The following GNAL variants were observed in gnomAD, a reference collection of about 807,000 sequenced individuals.
The protein encoded by GNAL is G protein subunit alpha L, also known as guanine nucleotide-binding protein G(olf) subunit alpha.
GNAL carries 18 observed loss-of-function variants against 55.1 expected under a neutral mutation model. The observed-to-expected ratio is 0.33, with a 90% confidence interval of 0.23 to 0.48. GNAL has a LOEUF of 0.48. Among genes scored for constraint, GNAL ranks in the 20% least tolerant of loss-of-function variants. GNAL has a pLI of 0.99. For synonymous variants in GNAL, 253 were observed against 237.0 expected (o/e 1.07, Z -0.62); for missense variants, 412 against 614.1 (o/e 0.67, Z 3.48).
intron 5 of GNAL, among the ~76,000 whole-genome samples, chr18:11,846,782 G>A (rs2143761198): frequency 6.6e-6 from 1 of 152,054 alleles, no homozygotes; most frequent in Non-Finnish European, 1.5e-5. Flanking sequence ...ATGGAGTGCA[G>A]TGGGGCCATC....
chr18:11,757,886 C>T (rs554735579), intron 4 of GNAL, among the ~76,000 whole-genome samples: 82 of 151,894 alleles, frequency 5.4e-4, no homozygotes, highest in South Asian at 4.2e-3. Flanking sequence ...TCACCGGTGA[C>T]CTTGATAAGG....
chr18:11,719,616 C>T (rs1169577476), intron 1 of GNAL, among the ~76,000 whole-genome samples: 1 of 152,218 alleles, frequency 6.6e-6, no homozygotes, highest in Non-Finnish European at 1.5e-5. Context: ...TACTAAATTG[C>T]TTGCGCCCTG....
Position 11,885,163 on chromosome 18 carries a change from A to C in GNAL, c.*4028A>C. ...ATTTGAAAATGTTAGGGTTTCCTCC[A>C]CCTTTTTATGAAGTAAAAGAACCTG... On this transcript the variant is annotated 3_prime_UTR_variant, in exon 12 of 12. Coordinates refer to ENST00000334049, the MANE Select transcript of GNAL (RefSeq NM_182978.4). 2 of 750,636 alleles carry C rather than the reference A, an allele frequency of 2.7e-6. 1 individual carries two copies. The highest frequency in any genetic ancestry group is 4.0e-5 in the South Asian group (2 of 49,564). 46.5% of individuals were successfully genotyped at this position (750,636 alleles called of 1,614,324 possible).
chr18:11,747,377 G>A (rs753342718), intron 1 of GNAL: 3 of 177,202 alleles, frequency 1.7e-5, no homozygotes, highest in Non-Finnish European at 3.5e-5. Flanking sequence ...GGTTGAAGAC[G>A]CAATGACAGC....
intron 1 of GNAL, among the ~76,000 whole-genome samples, chr18:11,696,024 C>T (rs2031400099): frequency 6.6e-6 from 1 of 152,096 alleles, no homozygotes; most frequent in South Asian, 2.1e-4. Flanking sequence ...AAATGTCTTT[C>T]TTAATGAAGG....
At chr18:11,879,981 G>A (rs753463877) in intron 11 of GNAL, among the ~76,000 whole-genome samples, 122 of 152,176 alleles carry the variant, frequency 8.0e-4, no homozygotes, top group Non-Finnish European at 1.3e-3. Flanking sequence ...CTAGCTGGCC[G>A]GGCGCGGTGG....
At chr18:11,821,583 C>A (rs962106842) in intron 4 of GNAL, among the ~76,000 whole-genome samples, 1 of 152,100 alleles carries the variant, frequency 6.6e-6, no homozygotes, top group Non-Finnish European at 1.5e-5. Flanking sequence ...AGGAAATTAA[C>A]GCAAAATGAG....
chr18:11,806,037 A>T (rs1021339036), intron 4 of GNAL, among the ~76,000 whole-genome samples: 1 of 152,204 alleles, frequency 6.6e-6, no homozygotes. Context: ...AGTAATAGCC[A>T]TTCTGACTGC....
At chr18:11,843,232 C>T (rs111658554) in intron 5 of GNAL, among the ~76,000 whole-genome samples, 33 of 151,964 alleles carry the variant, frequency 2.2e-4, no homozygotes, top group African/African-American at 5.5e-4. Context: ...GGTGTGGTGG[C>T]TCACGCCTGT....
intron 4 of GNAL, among the ~76,000 whole-genome samples, chr18:11,795,018 T>A (rs1032907119): frequency 6.6e-5 from 10 of 152,094 alleles, no homozygotes; most frequent in African/African-American, 2.4e-4. Context: ...AATTTTTGTA[T>A]TTTTAGTAGA....
At position 11,752,348 on chromosome 18, in the gene GNAL, C is replaced by T. The variant is rs992021845; in HGVS notation, c.377-505C>T. The T allele has an allele frequency of 1.0e-5, 15 of 1,498,324 alleles. No individual in the cohort carries two copies. In the South Asian group the frequency reaches 1.6e-4, roughly 16 times the overall value. 92.8% of individuals were successfully genotyped at this position (1,498,324 alleles called of 1,614,324 possible). ...TTTCAGCAGCAGGAAAGAGAGGAGC[C>T]GTCGCAGGAGCCGCACACGTCTCCA... On this transcript the variant is annotated intron_variant, in intron 1 of 11. Coordinates refer to ENST00000334049, the MANE Select transcript of GNAL (RefSeq NM_182978.4). This position sits in a 1 kb window ranked among gnomAD's most constrained non-coding sequence, Gnocchi z 4.5.
intron 11 of GNAL, among the ~76,000 whole-genome samples, chr18:11,879,913 C>T (rs9954320): frequency 3.9e-5 from 6 of 152,336 alleles, no homozygotes; most frequent in East Asian, 3.9e-4. Context: ...AGGCCGCCAC[C>T]GGGCCGCTGC....
intron 4 of GNAL, among the ~76,000 whole-genome samples, chr18:11,784,661 C>G (rs907617207): frequency 6.6e-6 from 1 of 152,052 alleles, no homozygotes; most frequent in Admixed American, 6.6e-5. Context: ...ATTTCTAAGT[C>G]AAGAAGTTGG....
intron 1 of GNAL, among the ~76,000 whole-genome samples, chr18:11,731,446 A>G (rs1278345652): frequency 2.6e-5 from 4 of 152,142 alleles, no homozygotes; most frequent in Non-Finnish European, 4.4e-5. Context: ...ACCGTGCCCG[A>G]CTGGGAATTC....
intron 5 of GNAL, among the ~76,000 whole-genome samples, chr18:11,841,611 C>T (rs1787515137): frequency 6.9e-6 from 1 of 145,140 alleles, no homozygotes; most frequent in Non-Finnish European, 1.5e-5. Context: ...TGCCACTGCA[C>T]TTCAGCCTGG....
intron 4 of GNAL, among the ~76,000 whole-genome samples, chr18:11,785,486 T>C (rs1403497489): frequency 6.6e-6 from 1 of 152,236 alleles, no homozygotes; most frequent in Non-Finnish European, 1.5e-5. Context: ...TTACCAATGC[T>C]GGGGTTCCAG....
At chr18:11,698,677 C>G (rs570670435) in intron 1 of GNAL, among the ~76,000 whole-genome samples, 2 of 151,956 alleles carry the variant, frequency 1.3e-5, no homozygotes, top group East Asian at 3.9e-4. Context: ...GCACCTTGTG[C>G]CATCCAGGAA....
chr18:11,726,686 G>C (rs2032219200), intron 1 of GNAL, among the ~76,000 whole-genome samples: 1 of 152,160 alleles, frequency 6.6e-6, no homozygotes, highest in Non-Finnish European at 1.5e-5. Context: ...AGCTGCTGTT[G>C]CTCTGTTAAT....
In GNAL at chr18:11,753,401, A is replaced by AT. The variant is rs1239717092; in HGVS notation, c.450-222dup. On this transcript the variant is annotated intron_variant, in intron 2 of 11. Transcript: ENST00000334049. Reference sequence around the variant, plus strand: ...CCTGCATAGTTGTTTAAAGCTATAGATTTTTAAAAAAATGTGTGCATTCAA... The same window carrying AT: ...CCTGCATAGTTGTTTAAAGCTATAGATTTTTTAAAAAAATGTGTGCATTCAA... The AT allele has an allele frequency of 4.8e-5, 24 of 503,026 alleles. No individual in the cohort carries two copies. In the East Asian group the frequency reaches 7.2e-4, roughly 15 times the overall value. The allele number at this position is 503,026 out of a possible 1,614,324, so 31.2% of individuals were successfully genotyped here.
Sources: gnomAD v4.1 joint callset for allele counts (sites outside exome capture counted in the v4.1 genomes callset) on GRCh38, gnomAD v4.1.1 for gene constraint, Gnocchi (gnomAD v3.1) non-coding constraint, MANE v1.5 for transcripts, NCBI Gene and HGNC (gene_info 2026-07-23, HGNC 2026-07-21) for gene names.